Variants in GPC1 observed in about 807,000 individuals in gnomAD.
GPC1 encodes the protein glypican-1.
GPC1 carries 26 observed loss-of-function variants against 51.5 expected under a neutral mutation model. The observed-to-expected ratio is 0.50, with a 90% confidence interval of 0.37 to 0.70. The LOEUF is 0.70. GPC1 is among the 30% of genes least tolerant of loss of function. GPC1 has a pLI of 0.00. For synonymous variants in GPC1, 380 were observed against 348.3 expected, an observed-to-expected ratio of 1.09 and a Z score of -1.01; for missense variants, 775 against 800.5, an observed-to-expected ratio of 0.97 and a Z score of 0.38.
intron 1 of GPC1, chr2:240,458,653 A>G (rs2074191150): frequency 9.7e-6 from 2 of 205,854 alleles, no homozygotes; most frequent in Non-Finnish European, 2.0e-5. Context: ...ATCCTCAGAC[A>G]TGGGCCCAGG....
intron 1 of GPC1, among the ~76,000 whole-genome samples, chr2:240,453,731 C>T (rs1281265001): frequency 1.3e-5 from 2 of 151,680 alleles, no homozygotes; most frequent in African/African-American, 2.4e-5. Context: ...GTCCAGACCC[C>T]TGCGCACCCG....
chr2:240,447,279 G>C (rs1003273542), intron 1 of GPC1, among the ~76,000 whole-genome samples: 2 of 152,152 alleles, frequency 1.3e-5, no homozygotes, highest in Non-Finnish European at 2.9e-5. Flanking sequence ...GCTATGCCCC[G>C]ACACAGAGGC....
intron 1 of GPC1, chr2:240,452,992 C>A (rs2151790927): frequency 2.8e-6 from 1 of 354,806 alleles, no homozygotes; most frequent in Non-Finnish European, 5.6e-6. Flanking sequence ...CGCGCGCCGC[C>A]CGGAGCCGCT....
At position 240,455,839 on chromosome 2, in the gene GPC1, C is replaced by T. The variant is rs1370283682; in HGVS notation, c.167-3191C>T. On this transcript the variant is annotated intron_variant, in intron 1 of 8. Coordinates refer to ENST00000264039, the MANE Select transcript of GPC1 (RefSeq NM_002081.3). ...GACCACAACCTGTGGCCCCGGCCTG[C>T]GCCGGGCCGGAGCTCCGCAGAAGGA... Among the ~76,000 whole-genome samples the T allele has an allele frequency of 5.3e-5, 8 of 152,316 alleles. No homozygotes were observed. In the South Asian group the frequency reaches 6.2e-4, roughly 12 times the overall value.
chr2:240,464,953 C>T lies in GPC1; in HGVS notation c.1112C>T (p.Pro371Leu), dbSNP rs759479706. 45 of 1,552,792 alleles carry T rather than the reference C, an allele frequency of 2.9e-5. No individual in the cohort carries two copies. The Admixed American group carries it at 8.4e-4, about 29-fold the overall frequency. The change falls in exon 6 of 9, where the codon CCT becomes CTT. Residue 371 changes from proline to leucine, a missense_variant. Coordinates refer to ENST00000264039, the MANE Select transcript of GPC1 (RefSeq NM_002081.3). ...AAGCTGGCCCCGCGGGAGAGGCCAC[C>T]TTCAGGCACGCTGGAGAAGCTGGTG... ...RGKLAPRERP[P>L]SGTLEKLVSE...
intron 1 of GPC1, chr2:240,451,205 C>T (rs1478558233): frequency 2.1e-6 from 1 of 471,214 alleles, no homozygotes. Context: ...TGGGATCCGG[C>T]CCAGCCTCAG....
At position 240,466,092 on chromosome 2, in the gene GPC1, C is replaced by T; in HGVS notation, c.1479C>T (p.Gly493=). 1 of 1,612,364 alleles carries T rather than the reference C, an allele frequency of 6.2e-7. No homozygotes were observed. Among genetic ancestry groups the T allele is most frequent in the Non-Finnish European group, 8.5e-7 (1 of 1,179,644 alleles). The change falls in exon 9 of 9, where the codon GGC becomes GGT. Residue 493 remains glycine (G), a synonymous_variant. Transcript: ENST00000264039. ...GCAGCGGCTCGGGCAGCGGTGATGG[C>T]TGTCTGGATGACCTCTGCAGCCGGA... ...DDGSGSGSGD[G]CLDDLCSRKV...
rs544377035 is a variant in GPC1 at position 240,461,986 on chromosome 2, C to G, written c.326-205C>G. On this transcript the variant is annotated intron_variant, in intron 2 of 8. Coordinates refer to ENST00000264039, the MANE Select transcript of GPC1 (RefSeq NM_002081.3). ...CCGAGAGGACCCCCTGCCACCTGGG[C>G]CCCTGCTCCCCAGGCCAGGGGGTGA... Among the ~76,000 whole-genome samples the G allele has an allele frequency of 3.9e-5, 6 of 152,224 alleles. No homozygotes were observed. In the South Asian group the frequency reaches 1.2e-3, roughly 32 times the overall value.
chr2:240,467,153 C>T lies in GPC1; in HGVS notation c.*863C>T, dbSNP rs542459096. 6 of 152,442 alleles carry T rather than the reference C, an allele frequency of 3.9e-5. No individual in the cohort carries two copies. Among genetic ancestry groups the T allele is most frequent in the Non-Finnish European group, 8.8e-5 (6 of 68,112 alleles). The allele number at this position is 152,442 out of a possible 1,614,324, so 9.4% of individuals were successfully genotyped here. A position where few individuals can be genotyped will look rare whatever the true frequency, so the allele number is the denominator to read the frequency against. ...GGGCTGAGGAGCAGCCAGGACCCGCCTGCTCCCATCCTCACCCAGATCAGG... is the reference window on the plus strand; with the variant it reads ...GGGCTGAGGAGCAGCCAGGACCCGCTTGCTCCCATCCTCACCCAGATCAGG... On this transcript the variant is annotated 3_prime_UTR_variant, in exon 9 of 9. Transcript: ENST00000264039.
At chr2:240,441,922 C>T (rs1340667236) in intron 1 of GPC1, among the ~76,000 whole-genome samples, 3 of 152,210 alleles carry the variant, frequency 2.0e-5, no homozygotes, top group Admixed American at 6.5e-5. Context: ...GCCCTTGGCC[C>T]GCCGTGGGTG....
rs751410321 is a variant in GPC1, at chr2:240,462,325, G to A, written c.460G>A (p.Gly154Ser). ...LYSELRLYYR[G>S]ANLHLEETLA... ...CTCAGAGCTGCGCCTGTACTACCGCGGTGCCAACCTGCACCTGGAGGAGAC... is the reference window on the plus strand; with the variant it reads ...CTCAGAGCTGCGCCTGTACTACCGCAGTGCCAACCTGCACCTGGAGGAGAC... Residue 154 changes from glycine (G) to serine (S), a missense_variant, in exon 3 of 9, where the codon GGT (glycine) becomes AGT (serine). By Grantham distance (56) the Gly-to-Ser change is moderately conservative (BLOSUM62 0). Transcript: ENST00000264039. 8.1e-6 allele frequency: 13 copies of A among 1,604,658 alleles called. No homozygotes were observed. Among genetic ancestry groups the A allele is most frequent in the South Asian group, 1.1e-5 (1 of 89,868 alleles).
chr2:240,462,742 C>T (rs1305966484), intron 3 of GPC1, among the ~76,000 whole-genome samples, 160 bp downstream of exon 3: 20 of 152,250 alleles, frequency 1.3e-4, no homozygotes, highest in Non-Finnish European at 5.9e-5. Flanking sequence ...TTGGCTGCTG[C>T]CCATGGCCTG....
chr2:240,455,869 A>AG (rs1383460299), intron 1 of GPC1: 1 of 285,590 alleles, frequency 3.5e-6, no homozygotes, highest in Non-Finnish European at 6.8e-6. Flanking sequence ...GAAGGAAGCC[A>AG]GCGGGAGGCC....
At chr2:240,450,263 G>A (rs907223147) in intron 1 of GPC1, 41 of 320,344 alleles carry the variant, frequency 1.3e-4, no homozygotes, top group Non-Finnish European at 2.2e-4. Context: ...CTAGGGAGAC[G>A]CCCTCCTGGG....
chr2:240,466,386 G>C lies in GPC1; in HGVS notation c.*96G>C. ...TTCACCTCAGCCTGGAGAGGCCTGG[G>C]GTGGGACAGGGAGGGCCGGCGGCTC... On this transcript the variant is annotated 3_prime_UTR_variant, in exon 9 of 9. Transcript: ENST00000264039. 2 of 742,048 alleles carry C rather than the reference G, an allele frequency of 2.7e-6. No individual in the cohort carries two copies. Among genetic ancestry groups the C allele is most frequent in the South Asian group, 1.8e-5 (1 of 56,836 alleles). 46.0% of individuals were successfully genotyped at this position (742,048 alleles called of 1,614,324 possible).
At chr2:240,453,393 GCCCCGCTCCCTCCGC>G (rs2074122997) in intron 1 of GPC1, among the ~76,000 whole-genome samples, 1 of 8,448 alleles carries the variant, frequency 1.2e-4, no homozygotes, top group African/African-American at 5.6e-4. Flanking sequence ...CCCTCCGCCC[GCCCCGCTCCCTCCGC>G]CCGCCCCGCT....
intron 1 of GPC1, among the ~76,000 whole-genome samples, chr2:240,443,305 T>C (rs2074029915): frequency 6.6e-6 from 1 of 152,192 alleles, no homozygotes; most frequent in Admixed American, 6.5e-5. Flanking sequence ...AGGTGGACTT[T>C]GGGCGGGGAG....
At chr2:240,459,581 G>C (rs887409196) in intron 2 of GPC1, among the ~76,000 whole-genome samples, 2 of 152,232 alleles carry the variant, frequency 1.3e-5, no homozygotes, top group South Asian at 2.1e-4. Context: ...TGGGGACCAG[G>C]TGGCCTGGAG....
intron 1 of GPC1, among the ~76,000 whole-genome samples, chr2:240,444,593 T>TTAGCAGTGGCCAC (rs2074037898): frequency 1.3e-5 from 2 of 151,760 alleles, no homozygotes; most frequent in Admixed American, 6.6e-5. Context: ...GGGTGCGCCA[T>TTAGCAGTGGCCAC]CAGCAGTGGG....
Sources: gnomAD v4.1 joint callset for allele counts (sites outside exome capture counted in the v4.1 genomes callset) on GRCh38, gnomAD v4.1.1 for gene constraint, MANE v1.5 for transcripts, NCBI Gene and HGNC (gene_info 2026-07-23, HGNC 2026-07-21) for gene names.